NDE1: variants seen among roughly 807,000 people sequenced by gnomAD.
NDE1 encodes nuclear distribution protein nudE homolog 1.
Under a neutral mutation model 43.4 loss-of-function variants are expected in NDE1, and 28 were observed. That is an observed-to-expected ratio of 0.65 (90% CI 0.48 to 0.89). The LOEUF is 0.89. Among genes scored for constraint, NDE1 ranks in the 40% least tolerant of loss-of-function variants. The pLI, the probability that NDE1 is intolerant of heterozygous loss-of-function variation, is 0.00. For synonymous variants in NDE1, 184 were observed against 172.0 expected (o/e 1.07, Z -0.55); for missense variants, 441 against 434.1 (o/e 1.02, Z -0.14).
chr16:15,699,051 A>T (rs1263049032), intron 8 of NDE1, among the ~76,000 whole-genome samples: 3 of 150,788 alleles, frequency 2.0e-5, no homozygotes, highest in South Asian at 2.1e-4. Context: ...CCCCTGGCTA[A>T]TTTTTTTTAT....
chr16:15,688,897 C>T (rs1195647630), intron 5 of NDE1, among the ~76,000 whole-genome samples: 1 of 151,066 alleles, frequency 6.6e-6, no homozygotes, highest in African/African-American at 2.4e-5. Flanking sequence ...GGGGTTTCAC[C>T]ATGTTGGCCA....
At chr16:15,719,959 A>G (rs2040379981) in intron 8 of NDE1, among the ~76,000 whole-genome samples, 1 of 152,016 alleles carries the variant, frequency 6.6e-6, no homozygotes, top group African/African-American at 2.4e-5. Context: ...GTGGCCAAAT[A>G]CCTAATAATG....
chr16:15,650,607 C>A (rs898282640), intron 1 of NDE1, among the ~76,000 whole-genome samples: 1 of 152,220 alleles, frequency 6.6e-6, no homozygotes, highest in Non-Finnish European at 1.5e-5. Context: ...TGGTCTCTCT[C>A]CCACCCCGTT....
intron 8 of NDE1, chr16:15,720,986 C>G: frequency 6.2e-7 from 1 of 1,614,124 alleles, no homozygotes; most frequent in South Asian, 1.1e-5. Context: ...CCAGCTCTTC[C>G]AGCTGCGTCT....
chr16:15,706,472 G>A (rs538370273), intron 8 of NDE1, among the ~76,000 whole-genome samples: 2 of 152,242 alleles, frequency 1.3e-5, no homozygotes, highest in East Asian at 1.9e-4. Flanking sequence ...TGGGGAGGCC[G>A]AGGTGGGCAG....
At chr16:15,681,315 G>C (rs1429842050) in intron 4 of NDE1, among the ~76,000 whole-genome samples, 1 of 111,234 alleles carries the variant, frequency 9.0e-6, no homozygotes, top group Non-Finnish European at 1.6e-5. Context: ...GCCCAGAGTA[G>C]AGTGCCATGG....
intron 3 of NDE1, chr16:15,672,794 T>G (rs1392074254): frequency 1.3e-5 from 2 of 152,222 alleles, no homozygotes; most frequent in Non-Finnish European, 2.9e-5. Flanking sequence ...AGATCCTGTT[T>G]TATTTGGAGA....
chr16:15,677,155 A>G (rs1179902159), intron 3 of NDE1, among the ~76,000 whole-genome samples: 3 of 152,084 alleles, frequency 2.0e-5, no homozygotes, highest in Non-Finnish European at 4.4e-5. Flanking sequence ...ACGTTACATC[A>G]CTTGCCTAAG....
At chr16:15,667,222 G>A (rs1311658450) in intron 2 of NDE1, 64 bp from the exon 3 acceptor site, 1 of 1,575,498 alleles carries the variant, frequency 6.3e-7, no homozygotes, top group Non-Finnish European at 8.7e-7. Context: ...TTGCAGCCTG[G>A]GTGATAGAGC....
chr16:15,671,726 T>C (rs760829101), intron 3 of NDE1, among the ~76,000 whole-genome samples: 25 of 152,096 alleles, frequency 1.6e-4, no homozygotes, highest in Non-Finnish European at 3.1e-4. Context: ...AGTCTCCCCC[T>C]GTCACCCAGG....
intron 4 of NDE1, 43 bp downstream of exon 4, chr16:15,677,992 C>T (rs1345195191): frequency 1.9e-6 from 3 of 1,611,634 alleles, no homozygotes; most frequent in East Asian, 2.2e-5. Flanking sequence ...ACTCTCCTCT[C>T]TGCTTTTTGT....
intron 8 of NDE1, chr16:15,714,896 ACGGGC>A: frequency 1.1e-5 from 18 of 1,613,100 alleles, no homozygotes; most frequent in Non-Finnish European, 1.5e-5. Context: ...CTCCCGGGCC[ACGGGC>A]TCCTCACCTG....
At chr16:15,680,700 T>C (rs1441961977) in intron 4 of NDE1, among the ~76,000 whole-genome samples, 5 of 152,042 alleles carry the variant, frequency 3.3e-5, no homozygotes, top group Admixed American at 6.6e-5. Context: ...CCACCACGCC[T>C]GGCTAATTTT....
chr16:15,672,733 C>T (rs2037660741), intron 3 of NDE1: 1 of 152,192 alleles, frequency 6.6e-6, no homozygotes, highest in Admixed American at 6.5e-5. Context: ...CGGTGGAGCC[C>T]ACTCGCTGCG....
chr16:15,699,943 T>C, intron 8 of NDE1: 1 of 1,222,264 alleles, frequency 8.2e-7, no homozygotes, highest in Admixed American at 2.9e-5. Flanking sequence ...CCATAGTTAG[T>C]TAGCTTTGCG....
At chr16:15,708,091 G>A (rs2039563952) in intron 8 of NDE1, among the ~76,000 whole-genome samples, 1 of 152,072 alleles carries the variant, frequency 6.6e-6, no homozygotes, top group Admixed American at 6.6e-5. Context: ...ACATGCCCGT[G>A]AAGCCTCCAG....
chr16:15,709,384 T>TGCTCACTGCAACCTCCACC (rs2039652621), intron 8 of NDE1, among the ~76,000 whole-genome samples: 1 of 149,534 alleles, frequency 6.7e-6, no homozygotes, highest in Non-Finnish European at 1.5e-5. Context: ...GATCTATCTC[T>TGCTCACTGCAACCTCCACC]GCTCACTGCA....
At chr16:15,686,588 G>A (rs774100530) in intron 4 of NDE1, 2 of 973,078 alleles carry the variant, frequency 2.1e-6, no homozygotes, top group Non-Finnish European at 2.4e-6. Flanking sequence ...TGAGGCGGGA[G>A]GATCTCTTGA....
At chr16:15,694,348 T>G in intron 7 of NDE1, 92 bp downstream of exon 7, 1 of 1,550,950 alleles carries the variant, frequency 6.4e-7, no homozygotes, top group Non-Finnish European at 8.7e-7. Flanking sequence ...CTCTCTTCTT[T>G]TTTTCTTTTT....
Sources: gnomAD v4.1 joint callset for allele counts (sites outside exome capture counted in the v4.1 genomes callset) on GRCh38, gnomAD v4.1.1 for gene constraint, MANE v1.5 for transcripts, NCBI Gene and HGNC (gene_info 2026-07-23, HGNC 2026-07-21) for gene names.